The following ST6GAL1 variants were observed in gnomAD, a reference collection of about 807,000 sequenced individuals.
ST6GAL1 encodes the protein beta-galactoside alpha-2,6-sialyltransferase 1.
A neutral mutation model predicts 38.0 loss-of-function variants in ST6GAL1; 20 were observed. The ratio of observed to expected loss-of-function variants is 0.53; its 90% CI spans 0.37 to 0.77. The LOEUF (loss-of-function observed/expected upper bound fraction) is 0.77. Among genes scored for constraint, ST6GAL1 ranks in the 30% least tolerant of loss-of-function variants. The pLI is 0.00. For missense variants in ST6GAL1, 432 were observed against 496.4 expected (o/e 0.87, Z 1.23); for synonymous variants, 196 against 188.2 (o/e 1.04, Z -0.34).
At chr3:186,949,136 A>C (rs1370422311) in intron 1 of ST6GAL1, among the ~76,000 whole-genome samples, 1 of 152,216 alleles carries the variant, frequency 6.6e-6, no homozygotes, top group Non-Finnish European at 1.5e-5. Flanking sequence ...CAGGCGGGTG[A>C]AAGAGGGAAA....
chr3:186,972,125 T>C (rs1415297194), intron 2 of ST6GAL1, among the ~76,000 whole-genome samples: 1 of 152,198 alleles, frequency 6.6e-6, no homozygotes, highest in East Asian at 1.9e-4. Context: ...AACTCCATTT[T>C]ATAAATGAGG....
chr3:186,933,181 G>T (rs763020585), intron 1 of ST6GAL1, among the ~76,000 whole-genome samples: 5 of 152,108 alleles, frequency 3.3e-5, no homozygotes, highest in Non-Finnish European at 7.3e-5. Flanking sequence ...CTACGCTGCC[G>T]TGCCCACCTT....
At chr3:186,994,772 C>G (rs7637617) in intron 2 of ST6GAL1, among the ~76,000 whole-genome samples, 1 of 151,902 alleles carries the variant, frequency 6.6e-6, no homozygotes, top group Non-Finnish European at 1.5e-5. Flanking sequence ...GATGAAACTC[C>G]GTTTCTACTA....
At chr3:187,020,969 T>G (rs986725104) in intron 2 of ST6GAL1, among the ~76,000 whole-genome samples, 3 of 149,506 alleles carry the variant, frequency 2.0e-5, no homozygotes, top group African/African-American at 7.3e-5. Flanking sequence ...TGGTTTTTTT[T>G]TTTGTTTTTT....
chr3:186,933,397 A>T (rs996887747), intron 1 of ST6GAL1, among the ~76,000 whole-genome samples: 8 of 152,120 alleles, frequency 5.3e-5, no homozygotes, highest in Non-Finnish European at 8.8e-5. Flanking sequence ...CTCTCCCTTC[A>T]ATGTCCAGTG....
intron 2 of ST6GAL1, among the ~76,000 whole-genome samples, chr3:186,994,080 ACTAGTAGAAGC>A (rs1376256521): frequency 6.6e-6 from 1 of 152,188 alleles, no homozygotes; most frequent in Non-Finnish European, 1.5e-5. Context: ...TTAAATATCA[ACTAGTAGAAGC>A]CTAGTACAGC....
chr3:187,078,541 TG>T lies in ST6GAL1; in HGVS notation c.*2739del, dbSNP rs1719636913. On this transcript the variant is annotated 3_prime_UTR_variant, in exon 8 of 8. Coordinates refer to ENST00000169298, the MANE Select transcript of ST6GAL1 (RefSeq NM_173216.2). The stretch of plus-strand genomic sequence containing the variant: ...TGTCAAATTTTAAAATAAATGTGTG[TG>T]TGTTTCTTTAAGCTGCTTCTCTCTT... 6.6e-6 allele frequency: 1 copy of T among 152,192 alleles called. No individual in the cohort carries two copies. The highest frequency in any genetic ancestry group is 2.4e-5 in the African/African-American group (1 of 41,460). The allele number at this position is 152,192 out of a possible 1,614,324, so 9.4% of individuals were successfully genotyped here.
chr3:186,956,479 G>A (rs935382523), intron 1 of ST6GAL1, among the ~76,000 whole-genome samples: 1 of 152,160 alleles, frequency 6.6e-6, no homozygotes, highest in Non-Finnish European at 1.5e-5. Context: ...GCTAAGAGGG[G>A]CATGTGTGAA....
intron 2 of ST6GAL1, among the ~76,000 whole-genome samples, chr3:187,028,378 A>T (rs1040572030): frequency 6.6e-6 from 1 of 152,200 alleles, no homozygotes; most frequent in African/African-American, 2.4e-5. Context: ...CTCCCAAACT[A>T]TATCACTGTC....
At chr3:187,074,469 C>A (rs541643794) in intron 7 of ST6GAL1, 136 bp downstream of exon 7, 1 of 932,110 alleles carries the variant, frequency 1.1e-6, no homozygotes, top group Non-Finnish European at 1.5e-6. Context: ...TGCTTGTAGA[C>A]CATGCCAAGT....
At chr3:187,050,544 G>GAGGGAGAT (rs1553833081) in intron 4 of ST6GAL1, among the ~76,000 whole-genome samples, 1 of 145,832 alleles carries the variant, frequency 6.9e-6, no homozygotes, top group African/African-American at 2.5e-5. Context: ...AAGAGAGAGA[G>GAGGGAGAT]AGAGAGAGAG....
At chr3:186,995,527 T>TA (rs1386280477) in intron 2 of ST6GAL1, among the ~76,000 whole-genome samples, 28 of 113,360 alleles carry the variant, frequency 2.5e-4, no homozygotes, top group Admixed American at 1.2e-3. Flanking sequence ...AATAATAAAA[T>TA]AAAAAAAAAA....
chr3:187,043,389 GC>G, intron 4 of ST6GAL1, 79 bp downstream of exon 4: 1 of 1,539,032 alleles, frequency 6.5e-7, no homozygotes. Flanking sequence ...GAGACAAGTG[GC>G]CCAAGTGTGG....
In ST6GAL1 at chr3:187,038,202, T is replaced by C. The variant is rs112921793; in HGVS notation, c.-182-540T>C. The stretch of plus-strand genomic sequence containing the variant: ...ATCTGGTGTCAAGTCTATTTCTTTT[T>C]TTTTTTTTTTTTTTTTCTTTTGAGA... On this transcript the variant is annotated intron_variant, in intron 2 of 7. Coordinates refer to ENST00000169298, the MANE Select transcript of ST6GAL1 (RefSeq NM_173216.2). Among the ~76,000 whole-genome samples the C allele has an allele frequency of 8.2e-3, 377 of 46,208 alleles. 5 individuals are homozygous for C. The highest frequency in any genetic ancestry group is 0.029 in the Middle Eastern group (2 of 68). 30.3% of individuals were successfully genotyped at this position (46,208 alleles called of 152,430 possible). A position where few individuals can be genotyped will look rare whatever the true frequency, so the allele number is the denominator to read the frequency against.
In ST6GAL1 at chr3:187,074,255, C is replaced by T. The variant is rs776814172; in HGVS notation, c.901C>T (p.Pro301Ser). The T allele has an allele frequency of 1.2e-6, 2 of 1,612,484 alleles. No individual in the cohort carries two copies. Among genetic ancestry groups the T allele is most frequent in the East Asian group, 2.2e-5 (1 of 44,846 alleles). Reference sequence around the variant, plus strand: ...CTTTTACATCCTCAAGCCCCAGATGCCTTGGGAGCTATGGGACATTCTTCA... The same window carrying T: ...CTTTTACATCCTCAAGCCCCAGATGTCTTGGGAGCTATGGGACATTCTTCA... Reference protein sequence around the residue: ...QPFYILKPQMPWELWDILQEI... With the variant: ...QPFYILKPQMSWELWDILQEI... Residue 301 changes from proline (P) to serine (S), a missense_variant, in exon 7 of 8, where the codon CCT (proline) becomes TCT (serine). Transcript: ENST00000169298.
At chr3:187,044,044 C>T (rs1718216259) in intron 4 of ST6GAL1, among the ~76,000 whole-genome samples, 1 of 152,182 alleles carries the variant, frequency 6.6e-6, no homozygotes, top group African/African-American at 2.4e-5. Context: ...TGTGTCCGTG[C>T]ATTTTTCCAG....
intron 2 of ST6GAL1, among the ~76,000 whole-genome samples, chr3:186,993,338 G>A (rs753859891): frequency 3.3e-5 from 5 of 152,152 alleles, no homozygotes; most frequent in African/African-American, 4.8e-5. Flanking sequence ...AAGATTTCCC[G>A]TTTTTGGCAT....
At chr3:187,041,795 C>T (rs1421479389) in intron 3 of ST6GAL1, 1 of 152,178 alleles carries the variant, frequency 6.6e-6, no homozygotes, top group Non-Finnish European at 1.5e-5. Context: ...AGATGCCCTT[C>T]GTATTAGACT....
At position 187,010,792 on chromosome 3, in the gene ST6GAL1, G is replaced by C. The variant is rs1054893265; in HGVS notation, c.-182-27950G>C. On this transcript the variant is annotated intron_variant, in intron 2 of 7. Coordinates refer to ENST00000169298, the MANE Select transcript of ST6GAL1 (RefSeq NM_173216.2). ...TCTGATTGATAACGCCCAAAGCCCC[G>C]CGTCTATCACCTTGTAATAGTCTTA... is the stretch of plus-strand genomic sequence containing the variant. Among the ~76,000 whole-genome samples the C allele has an allele frequency of 3.9e-5, 6 of 152,156 alleles. No homozygotes were observed. In the East Asian group the frequency reaches 5.8e-4, roughly 15 times the overall value.
Sources: gnomAD v4.1 joint callset for allele counts (sites outside exome capture counted in the v4.1 genomes callset) on GRCh38, gnomAD v4.1.1 for gene constraint, MANE v1.5 for transcripts, NCBI Gene and HGNC (gene_info 2026-07-23, HGNC 2026-07-21) for gene names.